SKA1: variants seen among roughly 807,000 people sequenced by gnomAD.
SKA1 encodes spindle and kinetochore associated complex subunit 1.
A neutral mutation model predicts 31.8 loss-of-function variants in SKA1; 20 were observed. The observed-to-expected ratio is 0.63, with a 90% CI of 0.44 to 0.91. The LOEUF is 0.91. SKA1 is among the 40% of genes least tolerant of loss of function. The pLI, the probability that SKA1 is intolerant of heterozygous loss-of-function variation, is 0.00. For missense variants in SKA1, 253 were observed against 298.2 expected (o/e 0.85, Z 1.12); for synonymous variants, 88 against 100.5 (o/e 0.88, Z 0.74).
At chr18:50,380,848 A>G (rs551150865) in intron 3 of SKA1, among the ~76,000 whole-genome samples, 2 of 152,342 alleles carry the variant, frequency 1.3e-5, no homozygotes, top group African/African-American at 2.4e-5. Flanking sequence ...AGGGGGAAAT[A>G]ATCTGTACCA....
intron 2 of SKA1, among the ~76,000 whole-genome samples, chr18:50,377,403 T>TA (rs1421999655): frequency 6.6e-6 from 1 of 152,208 alleles, no homozygotes; most frequent in East Asian, 1.9e-4. Flanking sequence ...TAGAGCTCCA[T>TA]AGGGGTAAAA....
rs1568328805 is a variant in SKA1 at position 50,381,722 on chromosome 18, G to GTTTTTTTTTTTTTTTTT, written c.214-407_214-406insTTTTTTTTTTTTTTTTT. On this transcript the variant is annotated intron_variant, in intron 3 of 6. Coordinates refer to ENST00000285116, the MANE Select transcript of SKA1 (RefSeq NM_145060.4). ...GCATTTTCGGTACTCCAGTCAATGT[G>GTTTTTTTTTTTTTTTTT]GTTTTTTTTTTTTTTTTTTTTTGAG... Among the ~76,000 whole-genome samples the GTTTTTTTTTTTTTTTTT allele has an allele frequency of 4.8e-5, 6 of 125,884 alleles. 2 individuals carry two copies. Among genetic ancestry groups the GTTTTTTTTTTTTTTTTT allele is most frequent in the Non-Finnish European group, 3.2e-5 (2 of 61,732 alleles). 82.6% of individuals were successfully genotyped at this position (125,884 alleles called of 152,430 possible). A position where few individuals can be genotyped will look rare whatever the true frequency, so the allele number is the denominator to read the frequency against.
chr18:50,392,114 T>C lies in SKA1; in HGVS notation c.635T>C (p.Val212Ala), dbSNP rs763744347. The change falls in exon 7 of 7, where the codon GTG becomes GCG. Residue 212 changes from valine (V) to alanine (A), a missense_variant. By Grantham distance (64) the Val-to-Ala change is moderately conservative (BLOSUM62 0). Transcript: ENST00000285116. ...TTATTTTTAGGTCGTTATTTTATAGTGGAAGCTGACATAAAGGAGTTCACA... is the reference window on the plus strand; with the variant it reads ...TTATTTTTAGGTCGTTATTTTATAGCGGAAGCTGACATAAAGGAGTTCACA... ...TKDTKGRYFI[V>A]EADIKEFTTL... 1.3e-6 allele frequency: 2 copies of C among 1,585,750 alleles called. No homozygotes were observed. Among genetic ancestry groups the C allele is most frequent in the Non-Finnish European group, 1.7e-6 (2 of 1,172,298 alleles).
intron 4 of SKA1, 42 bp from the exon 5 acceptor site, chr18:50,385,174 T>A (rs1415660127): frequency 4.0e-6 from 6 of 1,512,610 alleles, no homozygotes; most frequent in Non-Finnish European, 5.3e-6. Flanking sequence ...TGCTGCTTAT[T>A]TCTGAAAATT....
intron 3 of SKA1, among the ~76,000 whole-genome samples, chr18:50,381,873 G>A (rs924967267): frequency 7.2e-5 from 11 of 151,908 alleles, no homozygotes; most frequent in East Asian, 1.9e-4. Flanking sequence ...CTATAGGCGC[G>A]TGCCACCACG....
At chr18:50,377,002 A>G (rs1432723269) in intron 2 of SKA1, among the ~76,000 whole-genome samples, 1 of 151,248 alleles carries the variant, frequency 6.6e-6, no homozygotes, top group Non-Finnish European at 1.5e-5. Context: ...CTTCTGGAAT[A>G]TCTCCTGAGG....
intron 2 of SKA1, among the ~76,000 whole-genome samples, chr18:50,378,564 A>T (rs572735243): frequency 4.0e-5 from 6 of 151,876 alleles, no homozygotes; most frequent in African/African-American, 1.4e-4. Context: ...AGTCCCAGCT[A>T]TTCAGGAGGC....
At chr18:50,377,399 T>C (rs767388246) in intron 2 of SKA1, among the ~76,000 whole-genome samples, 4 of 152,208 alleles carry the variant, frequency 2.6e-5, no homozygotes, top group Non-Finnish European at 4.4e-5. Flanking sequence ...GATGTAGAGC[T>C]CCATAGGGGT....
Position 50,385,280 on chromosome 18 carries a change from A to T in SKA1, c.376A>T (p.Lys126Ter). 1.2e-6 allele frequency: 2 copies of T among 1,613,708 alleles called. No homozygotes were observed. The highest frequency in any genetic ancestry group is 1.7e-6 in the Non-Finnish European group (2 of 1,179,760). ...AGTTGAAGAACCTGAACCCGTAAAG[A>T]AGCCTCCCAAAGAGCAAAGAAGTAT... ...IKVEEPEPVK[K>*]PPKEQRSIKE... The change falls in exon 5 of 7, where the codon AAG (lysine) becomes TAG (stop). Residue 126 changes from lysine to a stop codon, truncating the protein, a stop_gained. Transcript: ENST00000285116. LOFTEE classifies it high-confidence loss of function.
At chr18:50,376,812 A>T (rs1599721678) in intron 2 of SKA1, among the ~76,000 whole-genome samples, 1 of 150,122 alleles carries the variant, frequency 6.7e-6, no homozygotes. Flanking sequence ...CTTTTTTTCT[A>T]TTTTTTTTTA....
At chr18:50,385,056 A>AG (rs57144956) in intron 4 of SKA1, among the ~76,000 whole-genome samples, 160 bp from the exon 5 acceptor site, 9,843 of 152,158 alleles carry the variant, frequency 0.065, 902 homozygotes, top group African/African-American at 0.2. Flanking sequence ...TTCACCGTTT[A>AG]ATGTTCATGA....
chr18:50,384,000 A>G (rs186890209), intron 4 of SKA1, among the ~76,000 whole-genome samples: 20 of 152,290 alleles, frequency 1.3e-4, no homozygotes, highest in Admixed American at 7.2e-4. Context: ...TCATCTTGGG[A>G]TCTTGCTTCC....
chr18:50,380,129 A>G lies in SKA1; in HGVS notation c.92A>G (p.Gln31Arg). The change falls in exon 3 of 7, where the codon CAG becomes CGG. Residue 31 changes from glutamine to arginine, a missense_variant. Transcript: ENST00000285116. ...KKTLSLRNCGQEPTLKTVLNK... is the reference protein window; with the variant it reads ...KKTLSLRNCGREPTLKTVLNK... ...ATTTTATTTTTGTTTATAACAGGCC[A>G]GGAACCTACCTTGAAAACTGTATTA... 1 of 1,526,896 alleles carries G rather than the reference A, an allele frequency of 6.5e-7. No individual in the cohort carries two copies. The highest frequency in any genetic ancestry group is 8.7e-7 in the Non-Finnish European group (1 of 1,146,278). The allele number at this position is 1,526,896 out of a possible 1,614,324, so 94.6% of individuals were successfully genotyped here. A position where few individuals can be genotyped will look rare whatever the true frequency, so the allele number is the denominator to read the frequency against.
At chr18:50,378,499 G>A (rs998691098) in intron 2 of SKA1, among the ~76,000 whole-genome samples, 2 of 152,070 alleles carry the variant, frequency 1.3e-5, no homozygotes, top group Non-Finnish European at 2.9e-5. Context: ...AACATAGTAA[G>A]ACCCTGTCTC....
intron 2 of SKA1, among the ~76,000 whole-genome samples, chr18:50,379,466 C>A (rs2041246802): frequency 1.3e-5 from 2 of 152,094 alleles, no homozygotes; most frequent in African/African-American, 4.8e-5. Flanking sequence ...ACCTCACTCC[C>A]ACCCCTTCCA....
At chr18:50,378,660 GA>G (rs201587481) in intron 2 of SKA1, among the ~76,000 whole-genome samples, 24,366 of 130,020 alleles carry the variant, frequency 0.19, 2,710 homozygotes, top group East Asian at 0.37. Flanking sequence ...GGGTGACAGA[GA>G]AAGACCCTGT....
intron 5 of SKA1, among the ~76,000 whole-genome samples, chr18:50,388,751 A>G (rs1054993865): frequency 2.6e-5 from 4 of 152,118 alleles, no homozygotes; most frequent in Middle Eastern, 3.4e-3. Context: ...TCCTTGGCCT[A>G]TTTCAAAATA....
intron 2 of SKA1, 68 bp from the exon 3 acceptor site, chr18:50,380,058 C>T (rs1223051099): frequency 3.3e-5 from 43 of 1,315,368 alleles, no homozygotes; most frequent in South Asian, 1.5e-4. Flanking sequence ...TCTAAGAGTT[C>T]GCATGAGTAC....
chr18:50,382,128 G>A lies in SKA1; in HGVS notation c.214-1G>A. The A allele has an allele frequency of 6.6e-7, 1 of 1,507,996 alleles. No individual in the cohort carries two copies. Among genetic ancestry groups the A allele is most frequent in the Non-Finnish European group, 8.9e-7 (1 of 1,124,686 alleles). The allele number at this position is 1,507,996 out of a possible 1,614,324, so 93.4% of individuals were successfully genotyped here. A position where few individuals can be genotyped will look rare whatever the true frequency, so the allele number is the denominator to read the frequency against. Reference sequence around the variant, plus strand: ...TATTTGTGAGCACTTTTAAATTTTAGGAACTCTGTGAATCTCTTGAAGAAG... The same window carrying A: ...TATTTGTGAGCACTTTTAAATTTTAAGAACTCTGTGAATCTCTTGAAGAAG... On this transcript the variant is annotated splice_acceptor_variant, in intron 3 of 6. Transcript: ENST00000285116. LOFTEE classifies it high-confidence loss of function.
Sources: gnomAD v4.1 joint callset for allele counts (sites outside exome capture counted in the v4.1 genomes callset) on GRCh38, gnomAD v4.1.1 for gene constraint, MANE v1.5 for transcripts, NCBI Gene and HGNC (gene_info 2026-07-23, HGNC 2026-07-21) for gene names.